Variants in RPH3AL observed in about 807,000 individuals in gnomAD.
RPH3AL encodes the protein rab effector Noc2.
RPH3AL carries 38 observed loss-of-function variants against 43.1 expected under a neutral mutation model. The observed-to-expected ratio is 0.88, with a 90% CI of 0.68 to 1.15. The LOEUF (loss-of-function observed/expected upper bound fraction) is 1.15, where lower values mean the gene tolerates loss of function less well. Among genes scored for constraint, RPH3AL ranks in the 50% most tolerant of loss-of-function variants. The pLI is 0.00. For synonymous variants in RPH3AL, 189 were observed against 176.3 expected (o/e 1.07, Z -0.57); for missense variants, 462 against 423.2 (o/e 1.09, Z -0.81).
chr17:219,191 A>ATTTTTTTTTTTTTTTT (rs2040886393), intron 8 of RPH3AL, among the ~76,000 whole-genome samples: 1 of 48,194 alleles, frequency 2.1e-5, no homozygotes, highest in African/African-American at 1.1e-4. Flanking sequence ...AATAAACAGC[A>ATTTTTTTTTTTTTTTT]CTTTTTTTTT....
At chr17:220,497 A>G (rs76157302) in intron 7 of RPH3AL, among the ~76,000 whole-genome samples, 2 of 75,458 alleles carry the variant, frequency 2.7e-5, no homozygotes, top group East Asian at 3.9e-4. Context: ...AGACCCAAGC[A>G]CATCAGCTCT....
chr17:312,234 A>G (rs567948141), intron 5 of RPH3AL, among the ~76,000 whole-genome samples: 1 of 152,198 alleles, frequency 6.6e-6, no homozygotes, highest in South Asian at 2.1e-4. Flanking sequence ...CCAGGAGTTG[A>G]AGGCTGCAGT....
At position 323,826 on chromosome 17, in the gene RPH3AL, A is replaced by G. The variant is rs1314242598; in HGVS notation, c.78-2411T>C. 2.1e-5 allele frequency among the ~76,000 whole-genome samples: 3 copies of G among 140,862 alleles called. No homozygotes were observed. Among genetic ancestry groups the G allele is most frequent in the East Asian group, 4.2e-4 (2 of 4,744 alleles). The allele number at this position is 140,862 out of a possible 152,430, so 92.4% of individuals were successfully genotyped here. ...GGCCCGGACCCTCCATCACCCCGCG[A>G]GACAGTCCAGACCCTCAGTCACCTT... On this transcript the variant is annotated intron_variant, in intron 3 of 9. Transcript: ENST00000331302. The surrounding 1 kb of genome is among the most constrained non-coding windows in gnomAD (Gnocchi z 4.4).
chr17:306,059 C>G (rs930691374), intron 5 of RPH3AL, among the ~76,000 whole-genome samples: 7 of 148,794 alleles, frequency 4.7e-5, no homozygotes, highest in African/African-American at 1.7e-4. Flanking sequence ...TGAGGTCTCA[C>G]TACATTACCC....
At chr17:319,690 C>G in intron 4 of RPH3AL, 141 bp from the exon 5 acceptor site, 1 of 972,268 alleles carries the variant, frequency 1.0e-6, no homozygotes, top group Non-Finnish European at 1.5e-6. Flanking sequence ...CCCTGGATAA[C>G]AGCGAATCCT....
chr17:230,357 A>G (rs1049371909), intron 7 of RPH3AL, among the ~76,000 whole-genome samples: 2 of 152,226 alleles, frequency 1.3e-5, no homozygotes, highest in Non-Finnish European at 2.9e-5. Context: ...TGAAAGGTGG[A>G]TGGACGGAAG....
intron 6 of RPH3AL, among the ~76,000 whole-genome samples, chr17:273,319 GTGATGT>G (rs2042560145): frequency 9.7e-6 from 1 of 102,732 alleles, no homozygotes; most frequent in African/African-American, 3.2e-5. Flanking sequence ...CCCAGCGAGG[GTGATGT>G]CAGGGAGAGA....
chr17:351,964 T>C (rs1375531825), intron 1 of RPH3AL, among the ~76,000 whole-genome samples: 2 of 152,184 alleles, frequency 1.3e-5, no homozygotes, highest in Non-Finnish European at 1.5e-5. Flanking sequence ...TGCATGTGCG[T>C]ACAGGCCGTG....
chr17:269,090 G>T (rs1018222951), intron 6 of RPH3AL, among the ~76,000 whole-genome samples: 2 of 152,156 alleles, frequency 1.3e-5, no homozygotes, highest in Non-Finnish European at 2.9e-5. Context: ...GTGTTAGCCA[G>T]GATGGTCTCG....
At position 256,034 on chromosome 17, in the gene RPH3AL, G is replaced by A. The variant is rs577998997; in HGVS notation, c.439-8749C>T. On this transcript the variant is annotated intron_variant, in intron 6 of 9. Coordinates refer to ENST00000331302, the MANE Select transcript of RPH3AL (RefSeq NM_006987.4). ...ATCCCTAGGAACGTGACTACCCTAC[G>A]TACTTCCTATGAGGGGAGCCGCACG... 5.0e-5 allele frequency among the ~76,000 whole-genome samples: 3 copies of A among 60,076 alleles called. No individual in the cohort carries two copies. In the East Asian group the frequency reaches 1.8e-3, roughly 37 times the overall value. The allele number at this position is 60,076 out of a possible 152,430, so 39.4% of individuals were successfully genotyped here.
intron 6 of RPH3AL, chr17:261,973 A>G (rs1555546361): frequency 6.6e-6 from 1 of 152,232 alleles, no homozygotes. Context: ...AAGAGGATGT[A>G]AAGTTTCATT....
At chr17:252,712 A>G (rs916803237) in intron 6 of RPH3AL, among the ~76,000 whole-genome samples, 1 of 152,152 alleles carries the variant, frequency 6.6e-6, no homozygotes, top group Non-Finnish European at 1.5e-5. Flanking sequence ...TTGCCTTAGG[A>G]AAGACGGGTT....
At chr17:291,515 A>T (rs2043047760) in intron 5 of RPH3AL, among the ~76,000 whole-genome samples, 3 of 152,188 alleles carry the variant, frequency 2.0e-5, no homozygotes, top group Admixed American at 2.0e-4. Flanking sequence ...GTGCTTACAG[A>T]GGGGTCATCC....
chr17:257,997 C>T (rs12950799), intron 6 of RPH3AL, among the ~76,000 whole-genome samples: 13,618 of 35,576 alleles, frequency 0.38, 3,959 homozygotes, highest in African/African-American at 0.46. Context: ...TGAGGGGAGC[C>T]GCACGGCATC....
chr17:336,276 G>A (rs1416161463), intron 1 of RPH3AL, among the ~76,000 whole-genome samples: 1 of 152,182 alleles, frequency 6.6e-6, no homozygotes, highest in Non-Finnish European at 1.5e-5. Flanking sequence ...TCCTCCACCT[G>A]TCAGGCGGCG....
At chr17:293,276 T>C (rs368692781) in intron 5 of RPH3AL, among the ~76,000 whole-genome samples, 23 of 152,330 alleles carry the variant, frequency 1.5e-4, no homozygotes, top group Middle Eastern at 3.4e-3. Flanking sequence ...CAGTTACCAC[T>C]GCGTCCCGAG....
chr17:337,718 C>T (rs1023132249), intron 1 of RPH3AL, among the ~76,000 whole-genome samples: 3 of 152,234 alleles, frequency 2.0e-5, no homozygotes, highest in African/African-American at 4.8e-5. Flanking sequence ...TGGGTGCTGA[C>T]GAGGCACCAG....
At chr17:321,627 C>T (rs1567521700) in intron 3 of RPH3AL, 2 of 500,584 alleles carry the variant, frequency 4.0e-6, no homozygotes, top group Non-Finnish European at 6.9e-6. Flanking sequence ...ACAGAGACGG[C>T]CCAGGTTCCG....
At chr17:232,222 T>G (rs1265013077) in intron 7 of RPH3AL, among the ~76,000 whole-genome samples, 1 of 152,174 alleles carries the variant, frequency 6.6e-6, no homozygotes. Context: ...GAGACTACGG[T>G]GCAAATTATT....
Sources: gnomAD v4.1 joint callset for allele counts (sites outside exome capture counted in the v4.1 genomes callset) on GRCh38, gnomAD v4.1.1 for gene constraint, Gnocchi (gnomAD v3.1) non-coding constraint, MANE v1.5 for transcripts, NCBI Gene and HGNC (gene_info 2026-07-23, HGNC 2026-07-21) for gene names.